Variants in FAM89A observed in about 807,000 individuals in gnomAD.
FAM89A encodes family with sequence similarity 89 member A.
FAM89A carries 10 observed loss-of-function variants against 7.1 expected under a neutral mutation model. The ratio of observed to expected loss-of-function variants is 1.40; its 90% confidence interval spans 0.86 to 2.38. The LOEUF (loss-of-function observed/expected upper bound fraction) is 2.38. Ranked by LOEUF, FAM89A falls within the 30% of genes most tolerant of loss-of-function variation. The pLI is 0.00. For missense variants in FAM89A, 276 were observed against 262.8 expected, an observed-to-expected ratio of 1.05 and a Z score of -0.35; for synonymous variants, 157 against 129.3, an observed-to-expected ratio of 1.21 and a Z score of -1.45.
At chr1:231,030,180 C>T (rs994288924) in intron 1 of FAM89A, among the ~76,000 whole-genome samples, 34 of 152,202 alleles carry the variant, frequency 2.2e-4, no homozygotes, top group African/African-American at 8.2e-4. Context: ...ATATTCGTGT[C>T]ATCTGGTCAG....
intron 1 of FAM89A, among the ~76,000 whole-genome samples, chr1:231,022,707 A>C (rs1347566401): frequency 6.6e-6 from 1 of 152,078 alleles, no homozygotes; most frequent in South Asian, 2.1e-4. Flanking sequence ...TTCTGCCTGC[A>C]CCTTATCATT....
chr1:231,040,168 G>A lies in FAM89A; in HGVS notation c.44C>T (p.Ala15Val), dbSNP rs1476406830. Reference protein sequence around the residue: ...RAAPGAAGNGAVRGLRVDGLP... With the variant: ...RAAPGAAGNGVVRGLRVDGLP... The stretch of plus-strand genomic sequence containing the variant: ...CCCGTCCACCCGCAGCCCCCGGACC[G>A]CGCCGTTGCCCGCGGCCCCGGGCGC... Residue 15 changes from alanine to valine, a missense_variant, in exon 1 of 2, where the codon GCG (alanine) becomes GTG (valine). Coordinates refer to ENST00000366654, the MANE Select transcript of FAM89A (RefSeq NM_198552.3). 6.7e-6 allele frequency: 8 copies of A among 1,186,856 alleles called. No individual in the cohort carries two copies. The African/African-American group carries it at 9.8e-5, about 15-fold the overall frequency. 73.5% of individuals were successfully genotyped at this position (1,186,856 alleles called of 1,614,324 possible).
chr1:231,023,141 C>A (rs1445586442), intron 1 of FAM89A, among the ~76,000 whole-genome samples: 1 of 152,198 alleles, frequency 6.6e-6, no homozygotes, highest in Non-Finnish European at 1.5e-5. Flanking sequence ...TCAGTTCCAG[C>A]CTTTTGCCCA....
chr1:231,027,994 T>C (rs1033259811), intron 1 of FAM89A, among the ~76,000 whole-genome samples: 1 of 152,172 alleles, frequency 6.6e-6, no homozygotes, highest in Non-Finnish European at 1.5e-5. Flanking sequence ...ACCATTTCCC[T>C]TTTGGATCTC....
Position 231,020,056 on chromosome 1 carries a change from T to C in FAM89A, c.362A>G (p.Tyr121Cys). The C allele has an allele frequency of 3.1e-6, 5 of 1,614,094 alleles. No homozygotes were observed. The highest frequency in any genetic ancestry group is 4.2e-6 in the Non-Finnish European group (5 of 1,180,020). The part of the protein sequence containing the change: ...LYSLYESIQE[Y>C]KGACQAASSP... Reference sequence around the variant, plus strand: ...GGAGGCTGCCTGGCATGCCCCCTTGTACTCCTGAATCGACTCGTAGAGGCT... The same window carrying C: ...GGAGGCTGCCTGGCATGCCCCCTTGCACTCCTGAATCGACTCGTAGAGGCT... Residue 121 changes from tyrosine to cysteine, a missense_variant, in exon 2 of 2, where the codon TAC (tyrosine) becomes TGC (cysteine). Transcript: ENST00000366654.
chr1:231,040,057 C>G lies in FAM89A; in HGVS notation c.155G>C (p.Arg52Pro). The G allele has an allele frequency of 1.4e-6, 2 of 1,448,906 alleles. No individual in the cohort carries two copies. The highest frequency in any genetic ancestry group is 1.8e-6 in the Non-Finnish European group (2 of 1,103,642). The allele number at this position is 1,448,906 out of a possible 1,614,324, so 89.8% of individuals were successfully genotyped here. Residue 52 changes from arginine to proline, a missense_variant, in exon 1 of 2, where the codon CGG becomes CCG. By Grantham distance (103) the Arg-to-Pro change is moderately radical (BLOSUM62 -2). Coordinates refer to ENST00000366654, the MANE Select transcript of FAM89A (RefSeq NM_198552.3). ...GASGGWRHLE[R>P]LYAQKSRIQD... ...GATGCGCGACTTCTGCGCGTACAGC[C>G]GCTCCAGGTGCCGCCAGCCCCCAGA...
At chr1:231,020,898 A>G (rs574905133) in intron 1 of FAM89A, among the ~76,000 whole-genome samples, 16 of 152,332 alleles carry the variant, frequency 1.1e-4, no homozygotes, top group African/African-American at 3.6e-4. Context: ...CCCAGAGAAA[A>G]GAGCACGGTC....
At chr1:231,020,177 T>G in intron 1 of FAM89A, 51 bp from the exon 2 acceptor site, 2 of 1,534,448 alleles carry the variant, frequency 1.3e-6, no homozygotes, top group Non-Finnish European at 1.8e-6. Context: ...CACTTGAGTT[T>G]AATTTCAGTG....
At chr1:231,034,841 G>A (rs1325962300) in intron 1 of FAM89A, among the ~76,000 whole-genome samples, 2 of 151,858 alleles carry the variant, frequency 1.3e-5, no homozygotes, top group African/African-American at 2.4e-5. Flanking sequence ...CACAGAATGT[G>A]GCCCTAAAAT....
Position 231,019,825 on chromosome 1 carries a change from G to A in FAM89A, c.*38C>T. 6.3e-7 allele frequency: 1 copy of A among 1,595,388 alleles called. No homozygotes were observed. Among genetic ancestry groups the A allele is most frequent in the Non-Finnish European group, 8.6e-7 (1 of 1,167,818 alleles). On this transcript the variant is annotated 3_prime_UTR_variant, in exon 2 of 2. Coordinates refer to ENST00000366654, the MANE Select transcript of FAM89A (RefSeq NM_198552.3). ...CAAATGATGACAGCGTGTCCAGTAG[G>A]AAGGGCTTCCCAACAGTCACATCCC...
At chr1:231,027,799 T>G (rs1399863097) in intron 1 of FAM89A, among the ~76,000 whole-genome samples, 1 of 152,228 alleles carries the variant, frequency 6.6e-6, no homozygotes, top group Non-Finnish European at 1.5e-5. Context: ...CATCTGTGAA[T>G]GCTCCTCGAC....
In FAM89A at chr1:231,023,436, C is replaced by T. The variant is rs576634235; in HGVS notation, c.292-3310G>A. On this transcript the variant is annotated intron_variant, in intron 1 of 1. Transcript: ENST00000366654. ...GCTAACGAGAGAGGCCTTACAGTGC[C>T]GGCATGCCTCCTCTTCCGCTGCCCT... is the stretch of plus-strand genomic sequence containing the variant. Among the ~76,000 whole-genome samples, 467 of 152,286 alleles carry T rather than the reference C, an allele frequency of 3.1e-3. 2 individuals are homozygous for T. Among genetic ancestry groups the T allele is most frequent in the Non-Finnish European group, 5.3e-3 (358 of 68,014 alleles).
In FAM89A at chr1:231,019,704, G is replaced by A. The variant is rs904575812; in HGVS notation, c.*159C>T. The A allele has an allele frequency of 1.3e-5, 10 of 774,332 alleles. No individual in the cohort carries two copies. Among genetic ancestry groups the A allele is most frequent in the East Asian group, 5.4e-5 (2 of 36,728 alleles). The allele number at this position is 774,332 out of a possible 1,614,324, so 48.0% of individuals were successfully genotyped here. A position where few individuals can be genotyped will look rare whatever the true frequency, so the allele number is the denominator to read the frequency against. The stretch of plus-strand genomic sequence containing the variant: ...CAAAGCAGACTGCCACCATGCATCC[G>A]CGGAGAACTCCCTGCCTACAAATGA... On this transcript the variant is annotated 3_prime_UTR_variant, in exon 2 of 2. Transcript: ENST00000366654.
chr1:231,022,089 G>A, intron 1 of FAM89A: 7 of 1,402,124 alleles, frequency 5.0e-6, no homozygotes, highest in Non-Finnish European at 7.1e-6. Flanking sequence ...GTCTTCTGTA[G>A]CCAGTGCCTC....
chr1:231,021,156 G>A (rs887768088), intron 1 of FAM89A, among the ~76,000 whole-genome samples: 1 of 152,238 alleles, frequency 6.6e-6, no homozygotes, highest in African/African-American at 2.4e-5. Flanking sequence ...TGCTCTGAAT[G>A]GCAACGGGAA....
intron 1 of FAM89A, among the ~76,000 whole-genome samples, chr1:231,038,333 A>G (rs1438115969): frequency 6.6e-6 from 1 of 152,208 alleles, no homozygotes; most frequent in Non-Finnish European, 1.5e-5. Flanking sequence ...ACTTCTGGGA[A>G]TGGCACGTTG....
intron 1 of FAM89A, among the ~76,000 whole-genome samples, chr1:231,024,139 T>TATCAGTCTGCTTTGGAC (rs911696187): frequency 2.0e-5 from 3 of 151,934 alleles, no homozygotes; most frequent in African/African-American, 7.3e-5. Context: ...CATCCATGGA[T>TATCAGTCTGCTTTGGAC]ATCAGTCTGC....
intron 1 of FAM89A, among the ~76,000 whole-genome samples, chr1:231,035,390 G>C (rs1680143620): frequency 6.6e-6 from 1 of 152,170 alleles, no homozygotes; most frequent in South Asian, 2.1e-4. Context: ...AAAAAAATGA[G>C]GCGAAGAGAT....
In FAM89A at chr1:231,020,047, G is replaced by A; in HGVS notation, c.371C>T (p.Ala124Val). Residue 124 changes from alanine (A) to valine (V), a missense_variant, in exon 2 of 2, where the codon GCA becomes GTA. Physicochemically the swap from Ala to Val is moderately conservative, Grantham distance 64. Coordinates refer to ENST00000366654, the MANE Select transcript of FAM89A (RefSeq NM_198552.3). Reference protein sequence around the residue: ...LYESIQEYKGACQAASSPDCT... With the variant: ...LYESIQEYKGVCQAASSPDCT... ...GTCTGGGCTGGAGGCTGCCTGGCATGCCCCCTTGTACTCCTGAATCGACTC... is the reference window on the plus strand; with the variant it reads ...GTCTGGGCTGGAGGCTGCCTGGCATACCCCCTTGTACTCCTGAATCGACTC... 6.2e-7 allele frequency: 1 copy of A among 1,614,048 alleles called. No homozygotes were observed. Among genetic ancestry groups the A allele is most frequent in the Admixed American group, 1.7e-5 (1 of 60,012 alleles).
Sources: allele counts gnomAD v4.1 joint callset (sites outside exome capture counted in the v4.1 genomes callset), GRCh38; gene constraint gnomAD v4.1.1; transcripts MANE v1.5; gene names NCBI Gene and HGNC (gene_info 2026-07-23, HGNC 2026-07-21).